RFX1: variants seen among roughly 807,000 people sequenced by gnomAD.
RFX1 encodes the protein MHC class II regulatory factor RFX1.
A neutral mutation model predicts 119.6 loss-of-function variants in RFX1; 42 were observed. The observed-to-expected ratio is 0.35, with a 90% CI of 0.27 to 0.45. RFX1 has a LOEUF of 0.45. RFX1 is among the 20% of genes least tolerant of loss of function. The pLI, the probability that RFX1 is intolerant of heterozygous loss-of-function variation, is 1.00. For missense variants in RFX1, 1,118 were observed against 1,368.1 expected (o/e 0.82, Z 2.88); for synonymous variants, 628 against 618.5 (o/e 1.02, Z -0.23).
Position 13,980,623 on chromosome 19 carries a change from G to T in RFX1, c.688C>A (p.Gln230Lys), listed in dbSNP as rs1301030831. 6.3e-7 allele frequency: 1 copy of T among 1,584,074 alleles called. No individual in the cohort carries two copies. The highest frequency in any genetic ancestry group is 1.7e-5 in the Admixed American group (1 of 57,548). The change falls in exon 6 of 21, where the codon CAG (glutamine) becomes AAG (lysine). Residue 230 changes from glutamine to lysine, a missense_variant. Around this residue, in one of 5 missense-constraint regions of RFX1, gnomAD observed 542 missense variants for 602.7 expected, o/e 0.90. Transcript: ENST00000254325. The surrounding 1 kb of genome is among the most constrained non-coding windows in gnomAD (Gnocchi z 5.1). ...TAGAPTGTVP[Q>K]QLQVHGVQQS... ...TGGACGCCGTGGACCTGCAGCTGCTGTGGCACTGTGCCCGTGGGGGCCCCG... is the reference window on the plus strand; with the variant it reads ...TGGACGCCGTGGACCTGCAGCTGCTTTGGCACTGTGCCCGTGGGGGCCCCG...
intron 12 of RFX1, among the ~76,000 whole-genome samples, chr19:13,967,734 T>A (rs1328876324): frequency 4.6e-5 from 7 of 151,324 alleles, no homozygotes; most frequent in Admixed American, 4.6e-4. Flanking sequence ...AGCCTCGGCC[T>A]CCCAAAGTGC....
chr19:14,000,548 C>T (rs1975183175), intron 1 of RFX1, among the ~76,000 whole-genome samples: 1 of 152,146 alleles, frequency 6.6e-6, no homozygotes, highest in South Asian at 2.1e-4. Flanking sequence ...TATAATCCCA[C>T]CACTTTGGGA....
At chr19:14,006,552 C>G (rs1292281940), upstream of RFX1, 1 of 152,358 alleles carries the variant, frequency 6.6e-6, no homozygotes, top group Non-Finnish European at 1.5e-5. Flanking sequence ...AGGGAAGCAG[C>G]TGGTTAAGAA....
chr19:13,987,333 C>T (rs1368314827), intron 2 of RFX1, among the ~76,000 whole-genome samples: 1 of 152,118 alleles, frequency 6.6e-6, no homozygotes, highest in African/African-American at 2.4e-5. Flanking sequence ...CCTCCAAAGT[C>T]ACCTTTAGGC....
At chr19:14,003,061 C>A (rs1568486416) in intron 1 of RFX1, among the ~76,000 whole-genome samples, 1 of 152,224 alleles carries the variant, frequency 6.6e-6, no homozygotes, top group Non-Finnish European at 1.5e-5. Flanking sequence ...TGGCTCACTG[C>A]AACTTCCATC....
At chr19:13,984,422 G>A (rs537728260) in intron 2 of RFX1, among the ~76,000 whole-genome samples, 54 of 152,180 alleles carry the variant, frequency 3.5e-4, no homozygotes, top group Non-Finnish European at 6.0e-4. Flanking sequence ...CGGGGCCTTC[G>A]CGGGGCTGGG....
chr19:13,980,507 G>C lies in RFX1; in HGVS notation c.738+66C>G. The C allele has an allele frequency of 9.7e-7, 1 of 1,027,860 alleles. No individual in the cohort carries two copies. Among genetic ancestry groups the C allele is most frequent in the East Asian group, 2.6e-5 (1 of 38,330 alleles). The allele number at this position is 1,027,860 out of a possible 1,614,324, so 63.7% of individuals were successfully genotyped here. On this transcript the variant is annotated intron_variant, in intron 6 of 20. Transcript: ENST00000254325. The surrounding 1 kb of genome is among the most constrained non-coding windows in gnomAD (Gnocchi z 5.1). ...TCTAATAGGCCAGAGGCACAGCCGT[G>C]GGGGGCTGCAGAGGCTGCCTGGCCG...
chr19:13,968,431 C>G lies in RFX1; in HGVS notation c.1732+134G>C, dbSNP rs1486832108. The stretch of plus-strand genomic sequence containing the variant: ...CGGAGACTGTGATGTCTCCCCCACC[C>G]CCTGCTGGTTCTCGGGCATCTCTCA... On this transcript the variant is annotated intron_variant, in intron 12 of 20. Coordinates refer to ENST00000254325, the MANE Select transcript of RFX1 (RefSeq NM_002918.5). This position sits in a 1 kb window ranked among gnomAD's most constrained non-coding sequence, Gnocchi z 5.5. 1 of 701,714 alleles carries G rather than the reference C, an allele frequency of 1.4e-6. No individual in the cohort carries two copies. Among genetic ancestry groups the G allele is most frequent in the African/African-American group, 1.7e-5 (1 of 57,504 alleles). The allele number at this position is 701,714 out of a possible 1,614,324, so 43.5% of individuals were successfully genotyped here.
rs935578197 is a variant in RFX1, at chr19:13,966,269, C to T, written c.1961+152G>A. ...CACTCCACCCCCGACTGTTGAGTGTCGGGTGGCTATACACACTCCACACAG... is the reference window on the plus strand; with the variant it reads ...CACTCCACCCCCGACTGTTGAGTGTTGGGTGGCTATACACACTCCACACAG... On this transcript the variant is annotated intron_variant, in intron 14 of 20. Coordinates refer to ENST00000254325, the MANE Select transcript of RFX1 (RefSeq NM_002918.5). This position sits in a 1 kb window ranked among gnomAD's most constrained non-coding sequence, Gnocchi z 6.3. 2.6e-5 allele frequency: 15 copies of T among 586,448 alleles called. No homozygotes were observed. Among genetic ancestry groups the T allele is most frequent in the Non-Finnish European group, 3.9e-5 (13 of 329,736 alleles). The allele number at this position is 586,448 out of a possible 1,614,324, so 36.3% of individuals were successfully genotyped here. A position where few individuals can be genotyped will look rare whatever the true frequency, so the allele number is the denominator to read the frequency against.
At chr19:13,981,983 A>G (rs1191772293) in intron 5 of RFX1, 138 bp downstream of exon 5, 3 of 383,528 alleles carry the variant, frequency 7.8e-6, no homozygotes, top group African/African-American at 6.3e-5. Flanking sequence ...TTGCACTGGG[A>G]GTGAAGAGGG....
chr19:13,994,303 G>A (rs541419642), intron 1 of RFX1, among the ~76,000 whole-genome samples: 2 of 152,106 alleles, frequency 1.3e-5, no homozygotes, highest in Admixed American at 1.3e-4. Context: ...AACTACCAGG[G>A]GCTGCCCCCT....
intron 1 of RFX1, among the ~76,000 whole-genome samples, chr19:14,001,714 G>A (rs181696225): frequency 1.3e-5 from 2 of 152,342 alleles, no homozygotes; most frequent in African/African-American, 4.8e-5. Context: ...AAAACTGACA[G>A]GCAAGGCCGG....
In RFX1 at chr19:13,993,541, G is replaced by A. The variant is rs776772287; in HGVS notation, c.303C>T (p.Ile101=). ...GGCACTTACCAGAGACAGTGACCAC[G>A]ATGTACTGCTGGGGTGCAGGCGAAG... The part of the protein sequence containing the change: ...PTPSPAPQQY[I]VVTVSEGAMR... The change falls in exon 2 of 21, where the codon ATC becomes ATT. Residue 101 remains isoleucine (I), a synonymous_variant. Coordinates refer to ENST00000254325, the MANE Select transcript of RFX1 (RefSeq NM_002918.5). The A allele has an allele frequency of 6.2e-6, 10 of 1,612,606 alleles. No homozygotes were observed. The East Asian group carries it at 1.6e-4, about 25-fold the overall frequency.
At chr19:13,979,367 C>A (rs1206251655) in intron 7 of RFX1, 80 bp downstream of exon 7, 2 of 909,270 alleles carry the variant, frequency 2.2e-6, no homozygotes, top group Admixed American at 2.6e-5. Context: ...TCCCTCCCTG[C>A]GGCCTCAGGG....
chr19:13,962,339 C>T lies in RFX1; in HGVS notation c.*356G>A. On this transcript the variant is annotated 3_prime_UTR_variant, in exon 21 of 21. Transcript: ENST00000254325. ...AGCTGAATAAGTTAACAGTTTCGCA[C>T]GGGAGGGGGCCTGCCTGCCTGCCCC... 3.4e-6 allele frequency: 1 copy of T among 297,438 alleles called. No homozygotes were observed. Among genetic ancestry groups the T allele is most frequent in the Non-Finnish European group, 6.2e-6 (1 of 162,352 alleles). The allele number at this position is 297,438 out of a possible 1,614,324, so 18.4% of individuals were successfully genotyped here. A position where few individuals can be genotyped will look rare whatever the true frequency, so the allele number is the denominator to read the frequency against.
In RFX1 at chr19:13,985,211, A is replaced by G. The variant is rs573616184; in HGVS notation, c.320-1616T>C. ...TTTTTTTTTTTTGAGACAGGGTCTC[A>G]CAGTTGCCCAGGCTGGAGTGCAGTG... On this transcript the variant is annotated intron_variant, in intron 2 of 20. Coordinates refer to ENST00000254325, the MANE Select transcript of RFX1 (RefSeq NM_002918.5). The surrounding 1 kb of genome is among the most constrained non-coding windows in gnomAD (Gnocchi z 4.3). Among the ~76,000 whole-genome samples the G allele has an allele frequency of 4.2e-3, 595 of 140,860 alleles. 5 individuals are homozygous for G. Among genetic ancestry groups the G allele is most frequent in the Middle Eastern group, 0.013 (3 of 234 alleles). 92.4% of individuals were successfully genotyped at this position (140,860 alleles called of 152,430 possible). A position where few individuals can be genotyped will look rare whatever the true frequency, so the allele number is the denominator to read the frequency against.
chr19:13,994,928 AT>A (rs1568481505), intron 1 of RFX1, among the ~76,000 whole-genome samples: 20 of 117,376 alleles, frequency 1.7e-4, no homozygotes, highest in African/African-American at 6.6e-4. Context: ...ATATATATAT[AT>A]ATATATATAA....
intron 20 of RFX1, 30 bp downstream of exon 20, chr19:13,962,964 G>A (rs1599468658): frequency 3.2e-6 from 5 of 1,549,192 alleles, no homozygotes; most frequent in South Asian, 1.2e-5. Flanking sequence ...CCCGGGACCC[G>A]CGCCCTGGGT....
At chr19:13,978,555 A>C (rs1422935870) in intron 7 of RFX1, among the ~76,000 whole-genome samples, 1 of 152,038 alleles carries the variant, frequency 6.6e-6, no homozygotes, top group African/African-American at 2.4e-5. Flanking sequence ...CCCCACCTCC[A>C]TCCCCCACCC....
Sources: allele counts gnomAD v4.1 joint callset (sites outside exome capture counted in the v4.1 genomes callset), GRCh38; gene constraint gnomAD v4.1.1; regional missense constraint gnomAD v4.1.1; non-coding constraint Gnocchi (gnomAD v3.1); transcripts MANE v1.5; gene names NCBI Gene and HGNC (gene_info 2026-07-23, HGNC 2026-07-21).